Variants in SUGCT observed in about 807,000 individuals in gnomAD.
SUGCT encodes succinyl-CoA:glutarate-CoA transferase, also known as succinyl-CoA:glutarate CoA-transferase.
A neutral mutation model predicts 55.0 loss-of-function variants in SUGCT; 41 were observed. The observed-to-expected ratio is 0.74, with a 90% CI of 0.58 to 0.97. The LOEUF is 0.97. Among genes scored for constraint, SUGCT ranks in the 50% least tolerant of loss-of-function variants. The pLI, the probability that SUGCT is intolerant of heterozygous loss-of-function variation, is 0.00. For synonymous variants in SUGCT, 187 were observed against 200.4 expected, an observed-to-expected ratio of 0.93 and a Z score of 0.56; for missense variants, 568 against 547.8, an observed-to-expected ratio of 1.04 and a Z score of -0.37.
intron 12 of SUGCT, among the ~76,000 whole-genome samples, chr7:40,640,779 C>T (rs561595460): frequency 6.6e-6 from 1 of 152,266 alleles, no homozygotes; most frequent in South Asian, 2.1e-4. Flanking sequence ...TAGTAGAATG[C>T]AAGTCTTTCT....
the SUGCT span, among the ~76,000 whole-genome samples, chr7:40,957,792 G>T: frequency 6.6e-6 from 1 of 151,958 alleles, no homozygotes; most frequent in Non-Finnish European, 1.5e-5. Context: ...TTGTTGCAGT[G>T]GCTGGTACTG....
At chr7:40,865,675 G>A (rs73689877), downstream of SUGCT, among the ~76,000 whole-genome samples, 14,990 of 152,222 alleles carry the variant, frequency 0.098, 844 homozygotes, top group Middle Eastern at 0.18. Flanking sequence ...GGAGCAGGGA[G>A]AGCATGACAG....
At chr7:40,697,562 C>G (rs532483430) in intron 12 of SUGCT, among the ~76,000 whole-genome samples, 4 of 152,230 alleles carry the variant, frequency 2.6e-5, no homozygotes, top group African/African-American at 9.6e-5. Context: ...CACTTGAACC[C>G]GGGAGGCGGA....
At chr7:40,724,701 C>T (rs139921714) in intron 12 of SUGCT, among the ~76,000 whole-genome samples, 182 of 149,564 alleles carry the variant, frequency 1.2e-3, no homozygotes, top group African/African-American at 4.2e-3. Context: ...AGTTTTTATA[C>T]ATAATATATA....
the SUGCT span, among the ~76,000 whole-genome samples, chr7:40,884,777 G>A: frequency 6.6e-6 from 1 of 152,180 alleles, no homozygotes; most frequent in African/African-American, 2.4e-5. Flanking sequence ...AAGTATGAAT[G>A]AGCAGGAGAG....
At chr7:40,984,495 C>T in the SUGCT span, among the ~76,000 whole-genome samples, 2 of 152,160 alleles carry the variant, frequency 1.3e-5, no homozygotes, top group Non-Finnish European at 2.9e-5. Context: ...CTTGTCTACC[C>T]TATTATGCTG....
chr7:40,253,958 A>G (rs537805830), intron 7 of SUGCT, among the ~76,000 whole-genome samples: 4 of 152,378 alleles, frequency 2.6e-5, no homozygotes, highest in African/African-American at 9.6e-5. Flanking sequence ...AGTTTAGTTT[A>G]GTTAGTTCAA....
chr7:40,891,314 C>T, the SUGCT span, among the ~76,000 whole-genome samples: 1 of 151,904 alleles, frequency 6.6e-6, no homozygotes, highest in South Asian at 2.1e-4. Flanking sequence ...GTCCAAAGAA[C>T]CCCAAATAGG....
At chr7:40,136,714 A>G (rs1787714466) in intron 1 of SUGCT, among the ~76,000 whole-genome samples, 2 of 152,186 alleles carry the variant, frequency 1.3e-5, no homozygotes, top group Admixed American at 1.3e-4. Context: ...TGTTTAACTT[A>G]ATGCTTGGGA....
the SUGCT span, among the ~76,000 whole-genome samples, chr7:40,913,775 C>T: frequency 6.6e-6 from 1 of 152,262 alleles, no homozygotes; most frequent in East Asian, 1.9e-4. Flanking sequence ...GTTAAAGGGG[C>T]AGCTCTATCT....
the SUGCT span, among the ~76,000 whole-genome samples, chr7:40,898,480 C>CGGGGGGGGGGGGGGGGGGGG: frequency 1.7e-4 from 1 of 5,718 alleles, no homozygotes; most frequent in Non-Finnish European, 4.4e-4. Context: ...TCCGGGAGGT[C>CGGGGGGGGGGGGGGGGGGGG]GGGGGGGGGG....
intron 12 of SUGCT, among the ~76,000 whole-genome samples, chr7:40,630,223 G>A (rs1164004530): frequency 2.6e-5 from 4 of 152,158 alleles, no homozygotes; most frequent in African/African-American, 9.7e-5. Context: ...CTTCAGTGAT[G>A]TTCCTTAGCA....
intron 13 of SUGCT, among the ~76,000 whole-genome samples, chr7:40,767,011 C>T (rs1263778816): frequency 1.3e-5 from 2 of 152,184 alleles, no homozygotes; most frequent in Admixed American, 6.5e-5. Flanking sequence ...TACATAACAG[C>T]AATATCTCCA....
chr7:41,006,946 A>T, the SUGCT span, among the ~76,000 whole-genome samples: 11 of 152,318 alleles, frequency 7.2e-5, no homozygotes, highest in African/African-American at 2.6e-4. Context: ...AAGTTACATG[A>T]TTATCCACTG....
At chr7:40,950,019 G>A in the SUGCT span, among the ~76,000 whole-genome samples, 2 of 152,154 alleles carry the variant, frequency 1.3e-5, no homozygotes, top group Non-Finnish European at 2.9e-5. Context: ...TGATAGGGAT[G>A]TCATTGAATC....
At chr7:40,334,257 T>A (rs972580197) in intron 9 of SUGCT, among the ~76,000 whole-genome samples, 3 of 152,190 alleles carry the variant, frequency 2.0e-5, no homozygotes, top group Non-Finnish European at 4.4e-5. Context: ...TTCCTTTGGG[T>A]ATATACCCAG....
intron 12 of SUGCT, among the ~76,000 whole-genome samples, chr7:40,564,189 C>T (rs1055898515): frequency 1.3e-5 from 2 of 152,064 alleles, no homozygotes; most frequent in South Asian, 4.1e-4. Context: ...TTGGCTAACA[C>T]GGTGAAACCC....
At chr7:40,930,897 A>C in the SUGCT span, among the ~76,000 whole-genome samples, 1 of 152,074 alleles carries the variant, frequency 6.6e-6, no homozygotes, top group Non-Finnish European at 1.5e-5. Flanking sequence ...TCTTTTCCTA[A>C]ATGAATGCAC....
intron 12 of SUGCT, among the ~76,000 whole-genome samples, chr7:40,537,839 G>A (rs1425605685): frequency 3.3e-5 from 5 of 152,144 alleles, no homozygotes; most frequent in Admixed American, 6.5e-5. Flanking sequence ...AATCTTAGAC[G>A]ATTTAACTAC....
Sources: gnomAD v4.1 joint callset for allele counts (sites outside exome capture counted in the v4.1 genomes callset) on GRCh38, gnomAD v4.1.1 for gene constraint, MANE v1.5 for transcripts, NCBI Gene and HGNC (gene_info 2026-07-23, HGNC 2026-07-21) for gene names.